Variants in KIAA1328 observed in about 807,000 individuals in gnomAD.
KIAA1328 encodes the protein KIAA1328.
A neutral mutation model predicts 68.1 loss-of-function variants in KIAA1328; 52 were observed. The ratio of observed to expected loss-of-function variants is 0.76; its 90% CI spans 0.61 to 0.96. The LOEUF is 0.96. Ranked by LOEUF, KIAA1328 falls within the 40% of genes least tolerant of loss-of-function variation. KIAA1328 has a pLI of 0.00. For missense variants in KIAA1328, 641 were observed against 677.6 expected (o/e 0.95, Z 0.60); for synonymous variants, 232 against 239.4 (o/e 0.97, Z 0.28).
intron 6 of KIAA1328, among the ~76,000 whole-genome samples, chr18:37,037,445 T>C (rs1405887174): frequency 6.6e-6 from 1 of 152,226 alleles, no homozygotes; most frequent in Non-Finnish European, 1.5e-5. Context: ...CCTCATAATT[T>C]AGTTTTTTTA....
At chr18:37,201,835 C>T (rs940756371) in intron 9 of KIAA1328, among the ~76,000 whole-genome samples, 1 of 152,164 alleles carries the variant, frequency 6.6e-6, no homozygotes, top group Admixed American at 6.5e-5. Context: ...AGGTCAGGAA[C>T]CTTGTAGGGA....
intron 5 of KIAA1328, among the ~76,000 whole-genome samples, chr18:36,955,364 G>T (rs1185509784): frequency 6.8e-6 from 1 of 148,080 alleles, no homozygotes; most frequent in Non-Finnish European, 1.5e-5. Flanking sequence ...AGGCTGGAGT[G>T]CAGTGAGTGA....
chr18:36,844,481 C>A (rs1673457548), intron 4 of KIAA1328, among the ~76,000 whole-genome samples, 179 bp downstream of exon 4: 1 of 151,942 alleles, frequency 6.6e-6, no homozygotes, highest in East Asian at 1.9e-4. Flanking sequence ...AAAGAAGCAT[C>A]AAAAGCAAAC....
chr18:37,060,421 A>G (rs1186255120), intron 6 of KIAA1328, among the ~76,000 whole-genome samples: 1 of 152,236 alleles, frequency 6.6e-6, no homozygotes, highest in Non-Finnish European at 1.5e-5. Context: ...TATAAGAGAA[A>G]TGCAAAATAA....
downstream of KIAA1328, chr18:37,229,600 G>T: frequency 1.6e-6 from 2 of 1,273,096 alleles, no homozygotes; most frequent in South Asian, 2.6e-5. Context: ...GTCCATCCAG[G>T]CGCGGTGGCT....
intron 6 of KIAA1328, among the ~76,000 whole-genome samples, chr18:36,984,518 A>G (rs938788187): frequency 1.3e-5 from 2 of 152,176 alleles, no homozygotes; most frequent in Admixed American, 6.5e-5. Flanking sequence ...AAACACTTCT[A>G]TGTATATGGA....
intron 9 of KIAA1328, among the ~76,000 whole-genome samples, chr18:37,219,367 G>T (rs1349575688): frequency 1.3e-5 from 2 of 152,222 alleles, no homozygotes; most frequent in Non-Finnish European, 2.9e-5. Context: ...CTTCAGAGCT[G>T]TCAGGGATGT....
intron 4 of KIAA1328, among the ~76,000 whole-genome samples, chr18:36,847,793 A>G (rs2047077731): frequency 6.6e-6 from 1 of 151,596 alleles, no homozygotes; most frequent in Non-Finnish European, 1.5e-5. Flanking sequence ...TTAGTGCTCT[A>G]TATATGAAAT....
intron 7 of KIAA1328, among the ~76,000 whole-genome samples, chr18:37,096,157 A>G (rs1280758847): frequency 2.0e-5 from 3 of 151,968 alleles, no homozygotes; most frequent in Non-Finnish European, 4.4e-5. Flanking sequence ...CACATGTGCC[A>G]TGTTGGTGTG....
chr18:37,010,440 CTAAAAAAAAA>C (rs1353388572), intron 6 of KIAA1328, among the ~76,000 whole-genome samples: 3 of 41,320 alleles, frequency 7.3e-5, no homozygotes, highest in Admixed American at 8.0e-4. Flanking sequence ...GAGACACCAT[CTAAAAAAAAA>C]AAAAAAAAAA....
intron 7 of KIAA1328, among the ~76,000 whole-genome samples, chr18:37,097,202 T>G (rs140728552): frequency 1.3e-3 from 195 of 152,332 alleles, no homozygotes; most frequent in African/African-American, 4.5e-3. Context: ...TTCTTCTGGT[T>G]TTAGGTCTAA....
chr18:36,997,645 G>A (rs1371256024), intron 6 of KIAA1328, among the ~76,000 whole-genome samples: 2 of 152,156 alleles, frequency 1.3e-5, no homozygotes, highest in Admixed American at 6.5e-5. Flanking sequence ...ACTACATGCT[G>A]TCCTAGGGTC....
At chr18:37,119,874 A>C (rs2058222682) in intron 7 of KIAA1328, among the ~76,000 whole-genome samples, 6 of 152,194 alleles carry the variant, frequency 3.9e-5, no homozygotes. Context: ...CCTAGCACCC[A>C]GATACCAGTT....
At chr18:36,893,483 G>GTGTGTGTT (rs2048770418) in intron 5 of KIAA1328, among the ~76,000 whole-genome samples, 1 of 150,794 alleles carries the variant, frequency 6.6e-6, no homozygotes, top group Non-Finnish European at 1.5e-5. Context: ...GTGTGTGTGT[G>GTGTGTGTT]TGTGTGTGTG....
chr18:36,844,137 C>A, intron 3 of KIAA1328, 71 bp from the exon 4 acceptor site: 2 of 923,770 alleles, frequency 2.2e-6, no homozygotes, highest in Non-Finnish European at 3.3e-6. Context: ...TTTCACCTTG[C>A]ACCTAGGTTT....
At chr18:37,179,126 T>A (rs1376205265) in intron 9 of KIAA1328, among the ~76,000 whole-genome samples, 1 of 152,192 alleles carries the variant, frequency 6.6e-6, no homozygotes, top group African/African-American at 2.4e-5. Context: ...TGAGGCTATA[T>A]CCAGGAAAGC....
chr18:36,994,134 C>T (rs549998269), intron 6 of KIAA1328, among the ~76,000 whole-genome samples: 79 of 152,028 alleles, frequency 5.2e-4, no homozygotes, highest in Admixed American at 9.2e-4. Context: ...TAAAATTAAC[C>T]TAGTTGAGTT....
At chr18:36,830,562 A>G (rs1229318896) in intron 1 of KIAA1328, among the ~76,000 whole-genome samples, 1 of 152,236 alleles carries the variant, frequency 6.6e-6, no homozygotes, top group East Asian at 1.9e-4. Flanking sequence ...GTACTGTTCA[A>G]ATATAGAATC....
At chr18:37,057,201 T>C (rs1196003172) in intron 6 of KIAA1328, among the ~76,000 whole-genome samples, 1 of 152,170 alleles carries the variant, frequency 6.6e-6, no homozygotes, top group African/African-American at 2.4e-5. Flanking sequence ...TAGAATTATT[T>C]AATGCCTATT....
Sources: gnomAD v4.1 joint callset for allele counts (sites outside exome capture counted in the v4.1 genomes callset) on GRCh38, gnomAD v4.1.1 for gene constraint, MANE v1.5 for transcripts, NCBI Gene and HGNC (gene_info 2026-07-23, HGNC 2026-07-21) for gene names.